WDR77: variants seen among roughly 807,000 people sequenced by gnomAD.
WDR77 encodes the protein WD repeat domain 77.
WDR77 carries 31 observed loss-of-function variants against 44.0 expected under a neutral mutation model. That is an observed-to-expected ratio of 0.70 (90% CI 0.53 to 0.95). The LOEUF (loss-of-function observed/expected upper bound fraction) is 0.95, where lower values mean the gene tolerates loss of function less well. Among genes scored for constraint, WDR77 ranks in the 40% least tolerant of loss-of-function variants. The pLI is 0.00. For missense variants in WDR77, 390 were observed against 423.9 expected, an observed-to-expected ratio of 0.92 and a Z score of 0.70; for synonymous variants, 186 against 165.7, an observed-to-expected ratio of 1.12 and a Z score of -0.94.
intron 4 of WDR77, among the ~76,000 whole-genome samples, chr1:111,445,546 G>A (rs1392315300): frequency 6.6e-6 from 1 of 152,128 alleles, no homozygotes; most frequent in Non-Finnish European, 1.5e-5. Context: ...GACCACTTGA[G>A]CCCAGGAATT....
chr1:111,440,244 A>G lies in WDR77; in HGVS notation c.*986T>C, dbSNP rs755887985. 1 of 152,244 alleles carries G rather than the reference A, an allele frequency of 6.6e-6. No individual in the cohort carries two copies. Among genetic ancestry groups the G allele is most frequent in the African/African-American group, 2.4e-5 (1 of 41,466 alleles). 9.4% of individuals were successfully genotyped at this position (152,244 alleles called of 1,614,324 possible). On this transcript the variant is annotated 3_prime_UTR_variant, in exon 10 of 10. Transcript: ENST00000235090. ...ATAAGTGAAATATATCTAACTACAC[A>G]TAACACACATGCTTCAAAAAAGACA...
At chr1:111,447,206 T>C in intron 3 of WDR77, 62 bp from the exon 4 acceptor site, 1 of 1,596,352 alleles carries the variant, frequency 6.3e-7, no homozygotes, top group Non-Finnish European at 8.6e-7. Context: ...AAAAACGTGT[T>C]CAAACAAGAA....
At position 111,442,586 on chromosome 1, in the gene WDR77, A is replaced by C; in HGVS notation, c.800+67T>G. 4 of 1,143,094 alleles carry C rather than the reference A, an allele frequency of 3.5e-6. No individual in the cohort carries two copies. The South Asian group carries it at 9.0e-5, about 26-fold the overall frequency. The allele number at this position is 1,143,094 out of a possible 1,614,324, so 70.8% of individuals were successfully genotyped here. The stretch of plus-strand genomic sequence containing the variant: ...CTACTTCATCAGCTAATGCTTTGAA[A>C]ACATACACACACACCCTCACGGTTC... On this transcript the variant is annotated intron_variant, in intron 8 of 9. Transcript: ENST00000235090.
intron 9 of WDR77, 129 bp from the exon 10 acceptor site, chr1:111,441,518 C>T (rs1000766390): frequency 6.0e-6 from 8 of 1,332,738 alleles, no homozygotes; most frequent in Non-Finnish European, 7.7e-6. Flanking sequence ...ACTGTATGGC[C>T]TCATCGCCAG....
At position 111,449,067 on chromosome 1, in the gene WDR77, G is replaced by T; in HGVS notation, c.103C>A (p.Arg35=). Residue 35 remains arginine (R), a synonymous_variant, in exon 1 of 10, where the codon CGG becomes AGG. Coordinates refer to ENST00000235090, the MANE Select transcript of WDR77 (RefSeq NM_024102.4). The part of the protein sequence containing the change: ...ACMERQLEAA[R]YRSDGALLLG... ...GATCTCGGCTCACCGGACCGGTACC[G>T]CGCAGCCTCCAACTGCCGTTCCATG... 1 of 1,594,084 alleles carries T rather than the reference G, an allele frequency of 6.3e-7. No individual in the cohort carries two copies.
At chr1:111,448,462 C>T (rs1435263578) in intron 2 of WDR77, among the ~76,000 whole-genome samples, 157 bp downstream of exon 2, 1 of 152,176 alleles carries the variant, frequency 6.6e-6, no homozygotes, top group Non-Finnish European at 1.5e-5. Context: ...AGGTATTTCC[C>T]ACCTACACAA....
In WDR77 at chr1:111,442,670, C is replaced by A; in HGVS notation, c.783G>T (p.Leu261=). 1 of 1,580,672 alleles carries A rather than the reference C, an allele frequency of 6.3e-7. No homozygotes were observed. The highest frequency in any genetic ancestry group is 8.6e-7 in the Non-Finnish European group (1 of 1,158,514). ...SAVHSQCVTG[L]VFSPHSVPFL... is the part of the protein sequence containing the mutation. Reference sequence around the variant, plus strand: ...AACAGTACCTGTGTGGGGAGAACACCAGCCCAGTGACACACTGGGAGTGTA... The same window carrying A: ...AACAGTACCTGTGTGGGGAGAACACAAGCCCAGTGACACACTGGGAGTGTA... The change falls in exon 8 of 10, where the codon CTG becomes CTT. Residue 261 remains leucine, a synonymous_variant. Coordinates refer to ENST00000235090, the MANE Select transcript of WDR77 (RefSeq NM_024102.4).
In WDR77 at chr1:111,448,659, A is replaced by G. The variant is rs774429858; in HGVS notation, c.261T>C (p.Thr87=). Residue 87 remains threonine, a synonymous_variant, in exon 2 of 10, where the codon ACT becomes ACC. Coordinates refer to ENST00000235090, the MANE Select transcript of WDR77 (RefSeq NM_024102.4). ...VQTEAGVADL[T]WVGERGILVA... is the part of the protein sequence containing the mutation. The stretch of plus-strand genomic sequence containing the variant: ...CTAGAATACCTCTCTCCCCAACCCA[A>G]GTGAGGTCAGCCACTCCAGCCTCCG... 9 of 1,614,034 alleles carry G rather than the reference A, an allele frequency of 5.6e-6. No homozygotes were observed. The highest frequency in any genetic ancestry group is 1.7e-5 in the Admixed American group (1 of 60,004).
At position 111,449,238 on chromosome 1, in the gene WDR77, C is replaced by T. The variant is rs749021299; in HGVS notation, c.-69G>A. On this transcript the variant is annotated 5_prime_UTR_variant, in exon 1 of 10. Coordinates refer to ENST00000235090, the MANE Select transcript of WDR77 (RefSeq NM_024102.4). ...CCGGAGACTCCGCTCCGGCAGCAAA[C>T]CCCACGTGGTGCACCTCTGAGCCTC... 1.3e-6 allele frequency: 2 copies of T among 1,535,906 alleles called. No homozygotes were observed. The highest frequency in any genetic ancestry group is 1.4e-5 in the African/African-American group (1 of 73,040).
intron 1 of WDR77, 36 bp from the exon 2 acceptor site, chr1:111,448,840 A>G: frequency 6.4e-7 from 1 of 1,553,398 alleles, no homozygotes; most frequent in Non-Finnish European, 8.7e-7. Flanking sequence ...CGTGAAGGGT[A>G]GAAGGGTTCG....
In WDR77 at chr1:111,440,960, A is replaced by AT. The variant is rs1223805156; in HGVS notation, c.*269dup. 7 of 245,520 alleles carry AT rather than the reference A, an allele frequency of 2.9e-5. No homozygotes were observed. The highest frequency in any genetic ancestry group is 4.6e-5 in the Non-Finnish European group (6 of 130,536). The allele number at this position is 245,520 out of a possible 1,614,324, so 15.2% of individuals were successfully genotyped here. ...AGTGCTTAGGGAAGATGTAGGATGG[A>AT]TTTTTTTTATTCCTGCCACTACCAA... is the stretch of plus-strand genomic sequence containing the variant. On this transcript the variant is annotated 3_prime_UTR_variant, in exon 10 of 10. Coordinates refer to ENST00000235090, the MANE Select transcript of WDR77 (RefSeq NM_024102.4).
rs1416542891 is a variant in WDR77, at chr1:111,448,742, G to A, written c.178C>T (p.Leu60Phe). Reference protein sequence around the residue: ...SGRCWAGSLWLFKDPCAAPNE... With the variant: ...SGRCWAGSLWFFKDPCAAPNE... ...GGGGCGGCACAGGGGTCCTTAAAAA[G>A]CCAGAGGGAGCCGGCCCAGCAGCGC... Residue 60 changes from leucine (L) to phenylalanine (F), a missense_variant, in exon 2 of 10, where the codon CTT becomes TTT. By Grantham distance (22) the Leu-to-Phe change is conservative. Coordinates refer to ENST00000235090, the MANE Select transcript of WDR77 (RefSeq NM_024102.4). 2 of 1,612,190 alleles carry A rather than the reference G, an allele frequency of 1.2e-6. No homozygotes were observed. The highest frequency in any genetic ancestry group is 1.7e-6 in the Non-Finnish European group (2 of 1,179,096).
intron 7 of WDR77, 54 bp from the exon 8 acceptor site, chr1:111,442,815 A>G: frequency 7.8e-7 from 1 of 1,287,476 alleles, no homozygotes; most frequent in Non-Finnish European, 1.0e-6. Flanking sequence ...CTTTTGTGCC[A>G]AAGACTTGAA....
At chr1:111,443,741 A>G in intron 6 of WDR77, 126 bp downstream of exon 6, 1 of 1,522,472 alleles carries the variant, frequency 6.6e-7, no homozygotes, top group South Asian at 1.3e-5. Context: ...AAAGAAGGAG[A>G]TTATGTCACT....
In WDR77 at chr1:111,442,490, G is replaced by A. The variant is rs542605006; in HGVS notation, c.800+163C>T. On this transcript the variant is annotated intron_variant, in intron 8 of 9. Coordinates refer to ENST00000235090, the MANE Select transcript of WDR77 (RefSeq NM_024102.4). ...CTGAAAAATCCTTTGACTCCCAAAG[G>A]ATTCTACTTCACACTTAAGAGATCT... 1.8e-4 allele frequency among the ~76,000 whole-genome samples: 28 copies of A among 152,308 alleles called. No homozygotes were observed. The South Asian group carries it at 5.8e-3, about 32-fold the overall frequency.
intron 2 of WDR77, among the ~76,000 whole-genome samples, 196 bp from the exon 3 acceptor site, chr1:111,447,772 G>C (rs1367677889): frequency 6.6e-6 from 1 of 152,182 alleles, no homozygotes; most frequent in Non-Finnish European, 1.5e-5. Flanking sequence ...TTTTCCTAAT[G>C]ACAGCCCAGA....
intron 7 of WDR77, 85 bp from the exon 8 acceptor site, chr1:111,442,846 A>T (rs962186390): frequency 3.3e-6 from 3 of 919,668 alleles, no homozygotes; most frequent in Admixed American, 3.4e-5. Flanking sequence ...TCGAGCTTGT[A>T]AAAGTTAACC....
rs1652924235 is a variant in WDR77 at position 111,444,103 on chromosome 1, C to A, written c.515G>T (p.Cys172Phe). Reference sequence around the variant, plus strand: ...GTCCTTGTGAGGAGAGGCAGCAACACAAGTGACCTGAGCAGCATGAGCTAT... The same window carrying A: ...GTCCTTGTGAGGAGAGGCAGCAACAAAAGTGACCTGAGCAGCATGAGCTAT... ...SYRAHAAQVT[C>F]VAASPHKDSV... Residue 172 changes from cysteine to phenylalanine, a missense_variant, in exon 5 of 10, where the codon TGT becomes TTT. Physicochemically the swap from Cys to Phe is radical, Grantham distance 205. Coordinates refer to ENST00000235090, the MANE Select transcript of WDR77 (RefSeq NM_024102.4). The A allele has an allele frequency of 1.9e-6, 3 of 1,613,732 alleles. No homozygotes were observed. The highest frequency in any genetic ancestry group is 1.7e-5 in the Admixed American group (1 of 59,976).
rs184446971 is a variant in WDR77, at chr1:111,447,950, A to G, written c.302-374T>C. On this transcript the variant is annotated intron_variant, in intron 2 of 9. Coordinates refer to ENST00000235090, the MANE Select transcript of WDR77 (RefSeq NM_024102.4). ...ATCCAGTGATGTTAACACTTCCCCA[A>G]TATTTGGACACTAGTAAGTATTTGC... Among the ~76,000 whole-genome samples, 563 of 152,352 alleles carry G rather than the reference A, an allele frequency of 3.7e-3. 5 individuals carry two copies. Among genetic ancestry groups the G allele is most frequent in the African/African-American group, 0.013 (533 of 41,582 alleles).
Sources: gnomAD v4.1 joint callset for allele counts (sites outside exome capture counted in the v4.1 genomes callset) on GRCh38, gnomAD v4.1.1 for gene constraint, MANE v1.5 for transcripts, NCBI Gene and HGNC (gene_info 2026-07-23, HGNC 2026-07-21) for gene names.